The following DNAH11 variants were observed in gnomAD, a reference collection of about 807,000 sequenced individuals.
The protein encoded by DNAH11 is dynein axonemal heavy chain 11.
Under a neutral mutation model 526.0 loss-of-function variants are expected in DNAH11, and 442 were observed. That is an observed-to-expected ratio of 0.84 (90% CI 0.78 to 0.91). The LOEUF (loss-of-function observed/expected upper bound fraction) is 0.91. DNAH11 is among the 40% of genes least tolerant of loss of function. The pLI is 0.00. For synonymous variants in DNAH11, 2,461 were observed against 1,935.9 expected, an observed-to-expected ratio of 1.27 and a Z score of -7.12; for missense variants, 6,989 against 5,448.7, an observed-to-expected ratio of 1.28 and a Z score of -8.90.
chr7:21,868,916 A>G lies in DNAH11; in HGVS notation c.11892A>G (p.Leu3964=). ...CTGGAAAATTCCACAATGTGTCTTT[A>G]GGACAAGGTCAGGAGACGGTGGCAG... is the stretch of plus-strand genomic sequence containing the variant. The part of the protein sequence containing the change: ...IDSGKFHNVS[L]GQGQETVAEV... The change falls in exon 73 of 82, where the codon TTA becomes TTG. Residue 3964 remains leucine (L), a synonymous_variant. Transcript: ENST00000409508. 6.2e-7 allele frequency: 1 copy of G among 1,614,062 alleles called. No homozygotes were observed. Among genetic ancestry groups the G allele is most frequent in the Non-Finnish European group, 8.5e-7 (1 of 1,179,898 alleles).
chr7:21,673,937 A>G (rs1782747006), intron 30 of DNAH11, among the ~76,000 whole-genome samples: 2 of 151,552 alleles, frequency 1.3e-5, no homozygotes, highest in South Asian at 2.1e-4. Flanking sequence ...TTTTCTACCT[A>G]GAAAACTTGG....
chr7:21,817,141 T>G (rs1160145900), intron 64 of DNAH11, among the ~76,000 whole-genome samples: 1 of 152,118 alleles, frequency 6.6e-6, no homozygotes, highest in Non-Finnish European at 1.5e-5. Flanking sequence ...ATTGGGTGCC[T>G]GAAGTTAATT....
chr7:21,845,076 T>A (rs909931359), intron 66 of DNAH11, among the ~76,000 whole-genome samples: 7 of 152,172 alleles, frequency 4.6e-5, no homozygotes, highest in Non-Finnish European at 7.3e-5. Flanking sequence ...ATTTTTTTTT[T>A]ATGTTAGCAT....
rs766829738 is a variant in DNAH11 at position 21,873,259 on chromosome 7, C to T, written c.11968-15C>T. 2 of 1,555,438 alleles carry T rather than the reference C, an allele frequency of 1.3e-6. No individual in the cohort carries two copies. The highest frequency in any genetic ancestry group is 2.4e-5 in the South Asian group (2 of 85,086). On this transcript the variant is annotated splice_polypyrimidine_tract_variant and intron_variant, in intron 73 of 81. Coordinates refer to ENST00000409508, the MANE Select transcript of DNAH11 (RefSeq NM_001277115.2). The stretch of plus-strand genomic sequence containing the variant: ...CCTCACCTTCACAGGAATTATGCAC[C>T]ATGCTATCTTTCAGAATGTTCATTT...
chr7:21,742,831 CA>C (rs1785970030), intron 49 of DNAH11, among the ~76,000 whole-genome samples: 1 of 152,140 alleles, frequency 6.6e-6, no homozygotes, highest in South Asian at 2.1e-4. Flanking sequence ...GCTTCCGTGA[CA>C]AAATACCCGA....
At chr7:21,622,120 G>T (rs371762097) in intron 25 of DNAH11, among the ~76,000 whole-genome samples, 1 of 152,074 alleles carries the variant, frequency 6.6e-6, no homozygotes, top group African/African-American at 2.4e-5. Flanking sequence ...CTTCAGCAAA[G>T]TCTCAGGATA....
intron 65 of DNAH11, among the ~76,000 whole-genome samples, chr7:21,829,859 A>T (rs1790470303): frequency 6.6e-6 from 1 of 152,242 alleles, no homozygotes; most frequent in Admixed American, 6.5e-5. Context: ...TGTTTTCAGG[A>T]AACTGATCAT....
Position 21,894,513 on chromosome 7 carries a change from T to G in DNAH11, c.12751-110T>G, listed in dbSNP as rs1784438008. On this transcript the variant is annotated intron_variant, in intron 77 of 81. Coordinates refer to ENST00000409508, the MANE Select transcript of DNAH11 (RefSeq NM_001277115.2). ...CCTTCACATGCATTTGCAGGCACCT[T>G]CGGAAGTCGTATGATATATTCTGTA... The G allele has an allele frequency of 4.3e-6, 5 of 1,156,646 alleles. No individual in the cohort carries two copies. In the Admixed American group the frequency reaches 1.3e-4, roughly 29 times the overall value. The allele number at this position is 1,156,646 out of a possible 1,614,324, so 71.6% of individuals were successfully genotyped here.
chr7:21,892,547 C>T lies in DNAH11; in HGVS notation c.12630C>T (p.His4210=), dbSNP rs897501601. 1 of 1,613,982 alleles carries T rather than the reference C, an allele frequency of 6.2e-7. No homozygotes were observed. Among genetic ancestry groups the T allele is most frequent in the Admixed American group, 1.7e-5 (1 of 60,018 alleles). ...PPESPALYGL[H]PNAEIEFLTV... ...AAAGCCCGGCACTGTATGGCCTCCA[C>T]CCAAATGCTGAAATAGAATTCCTGA... is the stretch of plus-strand genomic sequence containing the variant. The change falls in exon 77 of 82, where the codon CAC becomes CAT. Residue 4210 remains histidine (H), a synonymous_variant. Coordinates refer to ENST00000409508, the MANE Select transcript of DNAH11 (RefSeq NM_001277115.2).
chr7:21,842,451 G>A, intron 65 of DNAH11, 93 bp from the exon 66 acceptor site: 2 of 1,085,220 alleles, frequency 1.8e-6, no homozygotes, highest in South Asian at 2.2e-5. Flanking sequence ...TTCTGGCCAA[G>A]GTCCATTATA....
At chr7:21,834,427 TA>T (rs1583752222) in intron 65 of DNAH11, among the ~76,000 whole-genome samples, 1 of 151,866 alleles carries the variant, frequency 6.6e-6, no homozygotes, top group East Asian at 1.9e-4. Flanking sequence ...CTCAAGGATC[TA>T]AAAAAGACAA....
chr7:21,558,969 G>A lies in DNAH11; in HGVS notation c.663G>A (p.Met221Ile). Residue 221 changes from methionine (M) to isoleucine (I), a missense_variant, in exon 3 of 82, where the codon ATG (methionine) becomes ATA (isoleucine). Physicochemically the swap from Met to Ile is conservative, Grantham distance 10 (BLOSUM62 1). Transcript: ENST00000409508. Reference sequence around the variant, plus strand: ...CAATTCCCACTGTTGCAGGAAAGATGGATCTGGATCAGAATTGTTCAGAGA... The same window carrying A: ...CAATTCCCACTGTTGCAGGAAAGATAGATCTGGATCAGAATTGTTCAGAGA... ...LLPIPTVAGK[M>I]DLDQNCSENK... is the part of the protein sequence containing the mutation. 6.3e-7 allele frequency: 1 copy of A among 1,587,248 alleles called. No homozygotes were observed. Among genetic ancestry groups the A allele is most frequent in the Non-Finnish European group, 8.6e-7 (1 of 1,165,524 alleles).
intron 80 of DNAH11, 132 bp downstream of exon 80, chr7:21,899,580 G>A: frequency 1.3e-6 from 1 of 750,586 alleles, no homozygotes; most frequent in Non-Finnish European, 2.2e-6. Flanking sequence ...TTATAGAAAG[G>A]ACCAGCAGCT....
intron 28 of DNAH11, among the ~76,000 whole-genome samples, chr7:21,655,002 A>T (rs944834555): frequency 6.6e-6 from 1 of 152,126 alleles, no homozygotes; most frequent in Non-Finnish European, 1.5e-5. Context: ...TTGTTCTTCA[A>T]ACTGACTTCT....
chr7:21,576,787 A>G (rs983063676), intron 8 of DNAH11, among the ~76,000 whole-genome samples: 2 of 152,240 alleles, frequency 1.3e-5, no homozygotes, highest in Admixed American at 1.3e-4. Flanking sequence ...ATGCACACTT[A>G]TGTATATATA....
chr7:21,681,620 A>C lies in DNAH11; in HGVS notation c.5403A>C (p.Thr1801=). ...LPPGDRQKIM[T]ICTIDVHARD... ...CTGGAGACAGACAGAAGATCATGAC[A>C]ATTTGTACCATAGATGTCCATGCCA... is the stretch of plus-strand genomic sequence containing the variant. Residue 1801 remains threonine, a synonymous_variant, in exon 31 of 82, where the codon ACA becomes ACC. Coordinates refer to ENST00000409508, the MANE Select transcript of DNAH11 (RefSeq NM_001277115.2). The C allele has an allele frequency of 6.2e-7, 1 of 1,613,918 alleles. No homozygotes were observed. Among genetic ancestry groups the C allele is most frequent in the Non-Finnish European group, 8.5e-7 (1 of 1,179,838 alleles).
At chr7:21,856,697 A>G (rs1782863281) in intron 68 of DNAH11, among the ~76,000 whole-genome samples, 1 of 152,204 alleles carries the variant, frequency 6.6e-6, no homozygotes, top group Non-Finnish European at 1.5e-5. Flanking sequence ...ACGAAGTGTA[A>G]TTAATCAGTT....
At chr7:21,544,909 G>T in intron 1 of DNAH11, 97 bp from the exon 2 acceptor site, 1 of 1,079,964 alleles carries the variant, frequency 9.3e-7, no homozygotes, top group East Asian at 2.7e-5. Flanking sequence ...GCCAGGTTTT[G>T]TTTCTTCTGC....
intron 29 of DNAH11, among the ~76,000 whole-genome samples, chr7:21,658,451 G>A (rs558554214): frequency 1.1e-4 from 16 of 152,266 alleles, no homozygotes; most frequent in Admixed American, 1.0e-3. Flanking sequence ...AAAACACTGT[G>A]TGTTACCAGA....
Sources: gnomAD v4.1 joint callset for allele counts (sites outside exome capture counted in the v4.1 genomes callset) on GRCh38, gnomAD v4.1.1 for gene constraint, MANE v1.5 for transcripts, NCBI Gene and HGNC (gene_info 2026-07-23, HGNC 2026-07-21) for gene names.